Variants in LRP1B observed in about 807,000 individuals in gnomAD.
The protein encoded by LRP1B is LDL receptor related protein 1B, also known as low-density lipoprotein receptor-related protein 1B.
LRP1B carries 217 observed loss-of-function variants against 556.6 expected under a neutral mutation model. That is an observed-to-expected ratio of 0.39 (90% CI 0.35 to 0.44). The LOEUF (loss-of-function observed/expected upper bound fraction) is 0.44, where lower values mean the gene tolerates loss of function less well. LRP1B is among the 20% of genes least tolerant of loss of function. The pLI is 1.00. For synonymous variants in LRP1B, 2,047 were observed against 1,865.8 expected (o/e 1.10, Z -2.50); for missense variants, 5,053 against 5,620.8 (o/e 0.90, Z 3.23).
At chr2:141,157,428 T>C (rs1702094651) in intron 7 of LRP1B, among the ~76,000 whole-genome samples, 2 of 152,094 alleles carry the variant, frequency 1.3e-5, no homozygotes, top group South Asian at 4.1e-4. Flanking sequence ...TGCTTTCTTC[T>C]TCAGGGTTGA....
At chr2:141,519,738 T>C (rs1445698674) in intron 2 of LRP1B, among the ~76,000 whole-genome samples, 2 of 152,074 alleles carry the variant, frequency 1.3e-5, no homozygotes, top group Non-Finnish European at 2.9e-5. Flanking sequence ...CTCAATGTGT[T>C]GGCTGTAAGG....
At chr2:141,598,420 A>T (rs1256098820) in intron 2 of LRP1B, among the ~76,000 whole-genome samples, 1 of 152,166 alleles carries the variant, frequency 6.6e-6, no homozygotes, top group Non-Finnish European at 1.5e-5. Flanking sequence ...TGATTAAAAA[A>T]CTTACAGGTC....
chr2:141,170,275 C>T (rs1448027827), intron 7 of LRP1B, among the ~76,000 whole-genome samples: 2 of 152,062 alleles, frequency 1.3e-5, no homozygotes, highest in Non-Finnish European at 2.9e-5. Context: ...GCTCTACTTT[C>T]TCTAATAATC....
chr2:141,854,400 T>C (rs1187329848), intron 1 of LRP1B, among the ~76,000 whole-genome samples: 1 of 152,068 alleles, frequency 6.6e-6, no homozygotes, highest in Non-Finnish European at 1.5e-5. Context: ...CTTTAAAATG[T>C]GACAATTTAT....
At chr2:140,415,166 G>T (rs1962476) in intron 66 of LRP1B, among the ~76,000 whole-genome samples, 17,979 of 151,902 alleles carry the variant, frequency 0.12, 1,514 homozygotes, top group African/African-American at 0.23. Flanking sequence ...TGCTCGTGAA[G>T]GCTGTTTTCT....
intron 43 of LRP1B, among the ~76,000 whole-genome samples, chr2:140,593,712 C>T (rs34007910): frequency 0.21 from 31,794 of 151,698 alleles, 3,614 homozygotes; most frequent in Middle Eastern, 0.29. Context: ...TAAGATAAAA[C>T]AGAATAATAA....
chr2:141,067,102 A>G (rs1699500823), intron 7 of LRP1B, among the ~76,000 whole-genome samples: 1 of 151,994 alleles, frequency 6.6e-6, no homozygotes, highest in Admixed American at 6.6e-5. Context: ...CAATAGTAAC[A>G]TAACCTCATT....
At chr2:141,803,450 C>T (rs1696076640) in intron 2 of LRP1B, among the ~76,000 whole-genome samples, 2 of 151,752 alleles carry the variant, frequency 1.3e-5, no homozygotes, top group African/African-American at 4.8e-5. Flanking sequence ...GCTTTTTGGC[C>T]TCTCTACTGC....
chr2:141,528,452 G>C (rs1684763425), intron 2 of LRP1B, among the ~76,000 whole-genome samples: 1 of 151,934 alleles, frequency 6.6e-6, no homozygotes. Context: ...ACTTAAAATA[G>C]ATATAAGAAA....
At chr2:141,542,277 G>A (rs1685288755) in intron 2 of LRP1B, among the ~76,000 whole-genome samples, 1 of 151,764 alleles carries the variant, frequency 6.6e-6, no homozygotes. Context: ...ATTAAATAAA[G>A]TAATTTAACT....
At chr2:140,313,351 G>C (rs938291689) in intron 83 of LRP1B, among the ~76,000 whole-genome samples, 1 of 151,754 alleles carries the variant, frequency 6.6e-6, no homozygotes, top group African/African-American at 2.4e-5. Flanking sequence ...TACAGATTTT[G>C]AGCATGCATT....
chr2:141,587,232 T>G (rs1429982362), intron 2 of LRP1B, among the ~76,000 whole-genome samples: 1 of 152,190 alleles, frequency 6.6e-6, no homozygotes, highest in African/African-American at 2.4e-5. Flanking sequence ...TCTCTATATC[T>G]ACCAGATGTA....
intron 25 of LRP1B, among the ~76,000 whole-genome samples, chr2:140,872,700 C>A (rs1693177119): frequency 2.6e-5 from 4 of 151,810 alleles, no homozygotes; most frequent in African/African-American, 7.3e-5. Context: ...CTAGCACCAC[C>A]AGACTTTTTC....
intron 66 of LRP1B, among the ~76,000 whole-genome samples, chr2:140,424,366 CA>C (rs1050094563): frequency 1.3e-5 from 2 of 152,096 alleles, no homozygotes; most frequent in South Asian, 2.1e-4. Flanking sequence ...AAATAAAATA[CA>C]AAAAATCCTA....
intron 25 of LRP1B, 71 bp from the exon 26 acceptor site, chr2:140,868,334 GC>G (rs1173325687): frequency 5.8e-6 from 8 of 1,385,348 alleles, no homozygotes; most frequent in Non-Finnish European, 7.7e-6. Flanking sequence ...TTTATTGAGT[GC>G]CTACCATATG....
intron 1 of LRP1B, among the ~76,000 whole-genome samples, chr2:141,969,416 C>A (rs1701660092): frequency 6.6e-6 from 1 of 151,426 alleles, no homozygotes; most frequent in Non-Finnish European, 1.5e-5. Context: ...TTTCACCTGA[C>A]CCCCACCTCC....
chr2:141,508,025 G>T (rs187113454), intron 2 of LRP1B, among the ~76,000 whole-genome samples: 2 of 151,590 alleles, frequency 1.3e-5, no homozygotes, highest in Non-Finnish European at 2.9e-5. Flanking sequence ...GGTGGAGGTG[G>T]CAGTGAGCTG....
chr2:140,848,584 T>C (rs2105113420), intron 29 of LRP1B, among the ~76,000 whole-genome samples: 1 of 152,326 alleles, frequency 6.6e-6, no homozygotes, highest in East Asian at 1.9e-4. Context: ...ATTGCTCAAA[T>C]ATGTCTGACT....
intron 1 of LRP1B, among the ~76,000 whole-genome samples, chr2:142,028,726 T>C (rs986197638): frequency 6.6e-6 from 1 of 151,990 alleles, no homozygotes; most frequent in African/African-American, 2.4e-5. Context: ...TTTGACTTTA[T>C]ATAAGAAAGT....
Sources: allele counts gnomAD v4.1 joint callset (sites outside exome capture counted in the v4.1 genomes callset), GRCh38; gene constraint gnomAD v4.1.1; transcripts MANE v1.5; gene names NCBI Gene and HGNC (gene_info 2026-07-23, HGNC 2026-07-21).